SLC10A7: variants seen among roughly 807,000 people sequenced by gnomAD.
SLC10A7 encodes the protein solute carrier family 10 member 7.
SLC10A7 carries 29 observed loss-of-function variants against 43.2 expected under a neutral mutation model. That is an observed-to-expected ratio of 0.67 (90% CI 0.50 to 0.92). The LOEUF is 0.92. SLC10A7 is among the 40% of genes least tolerant of loss of function. The pLI, the probability that SLC10A7 is intolerant of heterozygous loss-of-function variation, is 0.00. For missense variants in SLC10A7, 295 were observed against 403.2 expected, an observed-to-expected ratio of 0.73 and a Z score of 2.30; for synonymous variants, 152 against 144.8, an observed-to-expected ratio of 1.05 and a Z score of -0.35.
intron 5 of SLC10A7, among the ~76,000 whole-genome samples, chr4:146,431,575 C>G (rs985879991): frequency 6.6e-6 from 1 of 151,904 alleles, no homozygotes; most frequent in Non-Finnish European, 1.5e-5. Flanking sequence ...GACACATAAA[C>G]CTTACAACTC....
At chr4:146,362,873 G>A (rs999312481) in intron 5 of SLC10A7, among the ~76,000 whole-genome samples, 7 of 151,244 alleles carry the variant, frequency 4.6e-5, no homozygotes, top group Admixed American at 4.0e-4. Flanking sequence ...GACACAAAAA[G>A]TAAAAAGCAA....
intron 5 of SLC10A7, among the ~76,000 whole-genome samples, chr4:146,433,050 G>T (rs1320194893): frequency 6.7e-6 from 1 of 149,286 alleles, no homozygotes; most frequent in East Asian, 2.0e-4. Context: ...AAAAAAATCT[G>T]AATTTGTCAA....
At chr4:146,450,129 G>A (rs953963453) in intron 4 of SLC10A7, among the ~76,000 whole-genome samples, 17 of 152,154 alleles carry the variant, frequency 1.1e-4, no homozygotes, top group Middle Eastern at 3.4e-3. Flanking sequence ...CAGGTAGTTA[G>A]CCCTCTGTAT....
At chr4:146,521,547 A>G in intron 1 of SLC10A7, 71 bp downstream of exon 1, 4 of 1,339,276 alleles carry the variant, frequency 3.0e-6, no homozygotes, top group Non-Finnish European at 4.2e-6. Context: ...GGGTTGCCCC[A>G]CCTTTCCAAG....
intron 9 of SLC10A7, among the ~76,000 whole-genome samples, chr4:146,288,039 G>C (rs1029618334): frequency 2.6e-5 from 4 of 152,156 alleles, no homozygotes; most frequent in African/African-American, 9.7e-5. Flanking sequence ...CTCTGTTTCA[G>C]GTAAGGAGGC....
intron 1 of SLC10A7, 65 bp downstream of exon 1, chr4:146,521,553 C>G (rs1738661945): frequency 1.4e-6 from 2 of 1,415,712 alleles, no homozygotes; most frequent in African/African-American, 2.8e-5. Flanking sequence ...CCCCACCTTT[C>G]CAAGACTCAC....
At chr4:146,378,704 A>G (rs28611450) in intron 5 of SLC10A7, among the ~76,000 whole-genome samples, 31,927 of 152,010 alleles carry the variant, frequency 0.21, 3,446 homozygotes, top group African/African-American at 0.27. Flanking sequence ...ATAGATTAAG[A>G]TAGAGAAAAA....
At chr4:146,364,978 T>C (rs565443776) in intron 5 of SLC10A7, among the ~76,000 whole-genome samples, 3 of 152,278 alleles carry the variant, frequency 2.0e-5, no homozygotes, top group Admixed American at 6.5e-5. Flanking sequence ...ATTTCCTTTT[T>C]AATGCTGCTC....
chr4:146,495,144 G>A (rs576528080), intron 4 of SLC10A7, among the ~76,000 whole-genome samples: 12 of 152,138 alleles, frequency 7.9e-5, no homozygotes, highest in African/African-American at 2.7e-4. Context: ...CAGTCTGGAG[G>A]CTAAAAAATA....
intron 4 of SLC10A7, among the ~76,000 whole-genome samples, chr4:146,501,793 G>A (rs754654731): frequency 6.6e-6 from 1 of 152,166 alleles, no homozygotes; most frequent in Non-Finnish European, 1.5e-5. Context: ...CATCCTTGCA[G>A]TTGCTCAACC....
intron 6 of SLC10A7, among the ~76,000 whole-genome samples, chr4:146,310,921 G>T (rs1417075695): frequency 2.1e-5 from 3 of 143,220 alleles, no homozygotes; most frequent in African/African-American, 7.7e-5. Context: ...ATCAAAGCTG[G>T]GCTCCTCTTT....
chr4:146,401,281 A>G (rs1183458218), intron 5 of SLC10A7, among the ~76,000 whole-genome samples: 1 of 152,144 alleles, frequency 6.6e-6, no homozygotes, highest in East Asian at 1.9e-4. Context: ...CAATCCTCCT[A>G]TACCCACTGT....
chr4:146,424,606 G>A (rs1291308946), intron 5 of SLC10A7, among the ~76,000 whole-genome samples: 1 of 151,772 alleles, frequency 6.6e-6, no homozygotes, highest in Non-Finnish European at 1.5e-5. Context: ...GTTACATTGA[G>A]CCAAGATCGG....
chr4:146,293,845 G>T, intron 8 of SLC10A7, 85 bp downstream of exon 8: 1 of 805,414 alleles, frequency 1.2e-6, no homozygotes, highest in Non-Finnish European at 1.9e-6. Context: ...ATTAACACTA[G>T]ACATGAATTT....
chr4:146,415,035 C>T (rs1466682530), intron 5 of SLC10A7, among the ~76,000 whole-genome samples: 1 of 151,940 alleles, frequency 6.6e-6, no homozygotes, highest in East Asian at 1.9e-4. Flanking sequence ...GGACTACTTC[C>T]AGGAAATAAA....
chr4:146,495,204 C>CAT (rs1560964760), intron 4 of SLC10A7, among the ~76,000 whole-genome samples: 1 of 152,182 alleles, frequency 6.6e-6, no homozygotes. Context: ...GTTTTTCAGA[C>CAT]ATAAGATTCC....
chr4:146,307,138 C>T (rs1017601322), intron 6 of SLC10A7, among the ~76,000 whole-genome samples: 1 of 152,114 alleles, frequency 6.6e-6, no homozygotes, highest in Admixed American at 6.6e-5. Context: ...CAAAAATCTC[C>T]TCTCCACTCC....
intron 5 of SLC10A7, among the ~76,000 whole-genome samples, chr4:146,378,707 G>C (rs4835035): frequency 0.21 from 31,914 of 151,958 alleles, 3,448 homozygotes; most frequent in African/African-American, 0.26. Flanking sequence ...GATTAAGATA[G>C]AGAAAAAGGC....
chr4:146,287,108 C>CTGGAGTGGTGAGAAGGACTGTGTT (rs1730069146), intron 9 of SLC10A7, among the ~76,000 whole-genome samples: 4 of 112,306 alleles, frequency 3.6e-5, no homozygotes, highest in African/African-American at 7.0e-5. Flanking sequence ...AGGACCGAGT[C>CTGGAGTGGTGAGAAGGACTGTGTT]TGGAGTGGTG....
Sources: gnomAD v4.1 joint callset for allele counts (sites outside exome capture counted in the v4.1 genomes callset) on GRCh38, gnomAD v4.1.1 for gene constraint, MANE v1.5 for transcripts, NCBI Gene and HGNC (gene_info 2026-07-23, HGNC 2026-07-21) for gene names.